Variants in PLCB2 observed in about 807,000 individuals in gnomAD.
The protein encoded by PLCB2 is phospholipase C beta 2, also known as 1-phosphatidylinositol 4,5-bisphosphate phosphodiesterase beta-2.
Under a neutral mutation model 141.7 loss-of-function variants are expected in PLCB2, and 115 were observed. The ratio of observed to expected loss-of-function variants is 0.81; its 90% CI spans 0.70 to 0.95. The LOEUF is 0.95. Among genes scored for constraint, PLCB2 ranks in the 40% least tolerant of loss-of-function variants. The probability of loss-of-function intolerance (pLI) is 0.00; values close to 1 mark genes in which losing one functional copy is unlikely to be tolerated. For synonymous variants in PLCB2, 603 were observed against 595.6 expected (o/e 1.01, Z -0.18); for missense variants, 1,403 against 1,541.1 (o/e 0.91, Z 1.50).
chr15:40,294,174 G>C (rs1023544523), intron 19 of PLCB2, 92 bp downstream of exon 19: 22 of 1,267,844 alleles, frequency 1.7e-5, no homozygotes, highest in Non-Finnish European at 2.4e-5. Context: ...GATATCAGGG[G>C]AGGGGGTTGC....
chr15:40,306,288 G>A (rs1019676581), intron 1 of PLCB2, among the ~76,000 whole-genome samples: 5 of 152,144 alleles, frequency 3.3e-5, no homozygotes, highest in Admixed American at 6.5e-5. Context: ...GGACATTCTT[G>A]CTTGTGCAGG....
chr15:40,284,316 G>A (rs1323289692), downstream of PLCB2: 1 of 330,888 alleles, frequency 3.0e-6, no homozygotes, highest in Non-Finnish European at 6.0e-6. Context: ...GCCGGCAGCG[G>A]GTAAGAGAGA....
chr15:40,298,043 T>A (rs1325442308), intron 11 of PLCB2, 84 bp from the exon 12 acceptor site: 2 of 1,220,146 alleles, frequency 1.6e-6, no homozygotes, highest in East Asian at 4.7e-5. Context: ...CCTGCCTAGT[T>A]TCAATACACA....
rs2040670912 is a variant in PLCB2 at position 40,304,084 on chromosome 15, G to A, written c.85-6C>T. The A allele has an allele frequency of 6.3e-7, 1 of 1,585,586 alleles. No individual in the cohort carries two copies. The highest frequency in any genetic ancestry group is 8.6e-7 in the Non-Finnish European group (1 of 1,164,304). On this transcript the variant is annotated splice_region_variant and splice_polypyrimidine_tract_variant and intron_variant, in intron 1 of 31. Transcript: ENST00000260402. ...GGAGAGGCAACTGTAGTTTCCTGCA[G>A]AGAGAAGGAGCCAGCACTCTGTTCC...
chr15:40,292,141 C>G lies in PLCB2; in HGVS notation c.2449G>C (p.Ala817Pro). ...GAWADLTVAL[A>P]NPIKFFSAHD... ...GCACTGAAGAACTTAATGGGGTTGG[C>G]GAGGGCCACAGTGAGATCTGGGTGG... Residue 817 changes from alanine (A) to proline (P), a missense_variant, in exon 23 of 32, where the codon GCC (alanine) becomes CCC (proline). By Grantham distance (27) the Ala-to-Pro change is conservative. This residue lies in a region of PLCB2 where 975 missense variants were observed against 1,141.1 expected (regional missense o/e 0.85). Transcript: ENST00000260402. 1.9e-6 allele frequency: 3 copies of G among 1,614,042 alleles called. No individual in the cohort carries two copies. In the South Asian group the frequency reaches 3.3e-5, roughly 18 times the overall value.
At chr15:40,285,848 C>T, downstream of PLCB2, 1 of 985,490 alleles carries the variant, frequency 1.0e-6, no homozygotes, top group Non-Finnish European at 1.2e-6. Context: ...TGGGCACTTT[C>T]TTGGTCCTGA....
intron 19 of PLCB2, among the ~76,000 whole-genome samples, chr15:40,293,989 G>A (rs1369860596): frequency 6.6e-6 from 1 of 152,158 alleles, no homozygotes; most frequent in African/African-American, 2.4e-5. Context: ...CCTTCCCCCA[G>A]GACCTGGGGC....
rs945223906 is a variant in PLCB2 at position 40,288,333 on chromosome 15, G to A, written c.*382C>T. On this transcript the variant is annotated 3_prime_UTR_variant, in exon 32 of 32. Transcript: ENST00000260402. The stretch of plus-strand genomic sequence containing the variant: ...TCGGGGCTAGAGTGGAGGTGAGTGG[G>A]TCCAACCCTCCAGGTGAGGAAACTG... 9.9e-7 allele frequency: 1 copy of A among 1,007,910 alleles called. No individual in the cohort carries two copies. The highest frequency in any genetic ancestry group is 1.2e-6 in the Non-Finnish European group (1 of 844,766). The allele number at this position is 1,007,910 out of a possible 1,614,324, so 62.4% of individuals were successfully genotyped here. A position where few individuals can be genotyped will look rare whatever the true frequency, so the allele number is the denominator to read the frequency against.
In PLCB2 at chr15:40,288,014, A is replaced by T; in HGVS notation, c.*701T>A. 1 of 985,302 alleles carries T rather than the reference A, an allele frequency of 1.0e-6. No homozygotes were observed. Among genetic ancestry groups the T allele is most frequent in the Non-Finnish European group, 1.2e-6 (1 of 829,796 alleles). The allele number at this position is 985,302 out of a possible 1,614,324, so 61.0% of individuals were successfully genotyped here. Reference sequence around the variant, plus strand: ...GACCTTGTCAGGCAGGCAGCCTGAGAGGGGTACATGGTAGGAACTGCCTGC... The same window carrying T: ...GACCTTGTCAGGCAGGCAGCCTGAGTGGGGTACATGGTAGGAACTGCCTGC... On this transcript the variant is annotated 3_prime_UTR_variant, in exon 32 of 32. Coordinates refer to ENST00000260402, the MANE Select transcript of PLCB2 (RefSeq NM_004573.3).
chr15:40,303,228 C>T, intron 3 of PLCB2, 60 bp downstream of exon 3: 1 of 1,242,190 alleles, frequency 8.1e-7, no homozygotes, highest in Non-Finnish European at 1.2e-6. Flanking sequence ...GGGACCCCTG[C>T]CCTTGCCCCA....
Position 40,294,290 on chromosome 15 carries a change from C to T in PLCB2, c.2037G>A (p.Val679=), listed in dbSNP as rs758728841. 9.9e-6 allele frequency: 16 copies of T among 1,613,896 alleles called. No individual in the cohort carries two copies. The East Asian group carries it at 3.6e-4, about 36-fold the overall frequency. ...NPFSVDRIDV[V]VATTLSITVI... ...CCGTAATGGAAAGGGTGGTGGCCAC[C>T]ACCACGTCGATGCGGTCCACTGAGA... The change falls in exon 19 of 32, where the codon GTG becomes GTA. Residue 679 remains valine, a synonymous_variant. Transcript: ENST00000260402.
rs1334704452 is a variant in PLCB2, at chr15:40,288,839, C to G, written c.3434G>C (p.Cys1145Ser). Residue 1145 changes from cysteine to serine, a missense_variant, in exon 32 of 32, where the codon TGC becomes TCC. Physicochemically the swap from Cys to Ser is moderately radical, Grantham distance 112. This residue lies in a region of PLCB2 where 132 missense variants were observed against 132.4 expected (regional missense o/e 1.00). Coordinates refer to ENST00000260402, the MANE Select transcript of PLCB2 (RefSeq NM_004573.3). ...EAEVKESVRA[C>S]LRTCFPSEAK... is the part of the protein sequence containing the mutation. ...CTCGGAGGGAAAGCAGGTCCTGAGG[C>G]AGGCCCTCACCGACTCCTTCACCTC... is the stretch of plus-strand genomic sequence containing the variant. The G allele has an allele frequency of 2.5e-6, 4 of 1,614,074 alleles. No homozygotes were observed. Among genetic ancestry groups the G allele is most frequent in the Non-Finnish European group, 3.4e-6 (4 of 1,180,002 alleles).
At chr15:40,305,602 G>A (rs890349553) in intron 1 of PLCB2, among the ~76,000 whole-genome samples, 1 of 152,218 alleles carries the variant, frequency 6.6e-6, no homozygotes, top group Non-Finnish European at 1.5e-5. Context: ...TGGTAAGAAG[G>A]GGCTGAAGAC....
chr15:40,292,689 A>G lies in PLCB2; in HGVS notation c.2326+237T>C, dbSNP rs1395778575. On this transcript the variant is annotated intron_variant, in intron 21 of 31. Transcript: ENST00000260402. ...AGCCCTTAGCAAATTTTAAATGCCCATAAGTGTCAGCTACTTGAGAAACTG... is the reference window on the plus strand; with the variant it reads ...AGCCCTTAGCAAATTTTAAATGCCCGTAAGTGTCAGCTACTTGAGAAACTG... Among the ~76,000 whole-genome samples the G allele has an allele frequency of 6.6e-5, 10 of 152,352 alleles. 1 individual carries two copies. In the South Asian group the frequency reaches 1.7e-3, roughly 25 times the overall value.
At chr15:40,289,093 G>A (rs2039707309) in intron 31 of PLCB2, 175 bp from the exon 32 acceptor site, 3 of 1,088,884 alleles carry the variant, frequency 2.8e-6, no homozygotes, top group Admixed American at 2.7e-5. Flanking sequence ...TCAGGAAAGG[G>A]GATCCTAACC....
chr15:40,302,079 GAGAA>G (rs1226770515), intron 6 of PLCB2, 47 bp from the exon 7 acceptor site: 4 of 1,613,340 alleles, frequency 2.5e-6, no homozygotes, highest in African/African-American at 2.7e-5. Flanking sequence ...AGTCAGGCCT[GAGAA>G]AGAAAGGCTT....
At chr15:40,289,946 AGAGAGAG>A in intron 30 of PLCB2, 72 bp downstream of exon 30, 1 of 221,526 alleles carries the variant, frequency 4.5e-6, no homozygotes, top group Non-Finnish European at 9.2e-6. Context: ...AGAGAGAGAG[AGAGAGAG>A]AGAGAGAGAG....
intron 1 of PLCB2, 53 bp downstream of exon 1, chr15:40,307,536 G>T (rs571053938): frequency 1.7e-6 from 2 of 1,190,408 alleles, no homozygotes; most frequent in East Asian, 5.0e-5. Flanking sequence ...CCCCGTAGCA[G>T]CCCGGCCCCC....
At chr15:40,305,641 A>G (rs1298558670) in intron 1 of PLCB2, among the ~76,000 whole-genome samples, 1 of 152,180 alleles carries the variant, frequency 6.6e-6, no homozygotes, top group African/African-American at 2.4e-5. Flanking sequence ...TAAAATAGAA[A>G]TGCTGGGGGG....
Sources: gnomAD v4.1 joint callset for allele counts (sites outside exome capture counted in the v4.1 genomes callset) on GRCh38, gnomAD v4.1.1 for gene constraint, gnomAD v4.1.1 regional missense constraint, MANE v1.5 for transcripts, NCBI Gene and HGNC (gene_info 2026-07-23, HGNC 2026-07-21) for gene names.